PSMD12: variants seen among roughly 807,000 people sequenced by gnomAD.
PSMD12 encodes the protein proteasome 26S subunit, non-ATPase 12.
Under a neutral mutation model 62.9 loss-of-function variants are expected in PSMD12, and 8 were observed. The ratio of observed to expected loss-of-function variants is 0.13; its 90% CI spans 0.07 to 0.23. The LOEUF (loss-of-function observed/expected upper bound fraction) is 0.23, where lower values mean the gene tolerates loss of function less well. Among genes scored for constraint, PSMD12 ranks in the 10% least tolerant of loss-of-function variants. PSMD12 has a pLI of 1.00. For synonymous variants in PSMD12, 173 were observed against 187.4 expected (o/e 0.92, Z 0.63); for missense variants, 424 against 550.2 (o/e 0.77, Z 2.29).
intron 3 of PSMD12, among the ~76,000 whole-genome samples, chr17:67,355,786 A>G (rs1266204812): frequency 1.3e-5 from 2 of 152,160 alleles, no homozygotes. Context: ...GAACTTACAT[A>G]ATCTCTAAAC....
chr17:67,344,370 T>C (rs1379280127), intron 9 of PSMD12, among the ~76,000 whole-genome samples: 1 of 152,188 alleles, frequency 6.6e-6, no homozygotes, highest in Non-Finnish European at 1.5e-5. Context: ...CATTCCAATA[T>C]GCTTTGGGAA....
chr17:67,362,397 G>C (rs2042139406), intron 1 of PSMD12, among the ~76,000 whole-genome samples: 1 of 152,144 alleles, frequency 6.6e-6, no homozygotes, highest in Admixed American at 6.5e-5. Context: ...GGCTCTGGCT[G>C]GGCGCGGTGG....
chr17:67,341,094 T>A, intron 10 of PSMD12, 42 bp from the exon 11 acceptor site: 1 of 1,422,466 alleles, frequency 7.0e-7, no homozygotes, highest in Non-Finnish European at 9.5e-7. Flanking sequence ...CAGGATAAAT[T>A]ACAGACAATA....
chr17:67,365,198 A>G (rs2042168032), intron 1 of PSMD12, among the ~76,000 whole-genome samples: 2 of 151,968 alleles, frequency 1.3e-5, no homozygotes, highest in African/African-American at 4.8e-5. Flanking sequence ...AAAAAAAAAA[A>G]AAAAAGTTCA....
chr17:67,362,671 A>G (rs1230714411), intron 1 of PSMD12: 19 of 145,734 alleles, frequency 1.3e-4, no homozygotes. Flanking sequence ...CAAAAAAAAA[A>G]AAACAAAAAA....
At chr17:67,357,242 T>C (rs2042083555) in intron 3 of PSMD12, 61 bp downstream of exon 3, 1 of 1,540,412 alleles carries the variant, frequency 6.5e-7, no homozygotes, top group Non-Finnish European at 8.7e-7. Context: ...TAGAAGAGCT[T>C]GTGAAAAGTT....
intron 10 of PSMD12, among the ~76,000 whole-genome samples, chr17:67,341,636 C>T (rs574145863): frequency 6.6e-5 from 10 of 152,274 alleles, no homozygotes; most frequent in African/African-American, 1.4e-4. Context: ...TCCATGCCAA[C>T]GGCAAGTTGG....
intron 4 of PSMD12, among the ~76,000 whole-genome samples, chr17:67,349,295 AG>A (rs1447124151): frequency 5.3e-5 from 8 of 152,238 alleles, no homozygotes; most frequent in Admixed American, 5.2e-4. Flanking sequence ...CTGGGATTAC[AG>A]GCGTGAGCCA....
intron 3 of PSMD12, among the ~76,000 whole-genome samples, chr17:67,351,118 G>T (rs1029324339): frequency 6.6e-6 from 1 of 152,126 alleles, no homozygotes; most frequent in Admixed American, 6.5e-5. Flanking sequence ...TGGGTCAGGC[G>T]TGGTGGCTCA....
At chr17:67,345,479 T>TA in intron 8 of PSMD12, 1 of 340,656 alleles carries the variant, frequency 2.9e-6, no homozygotes, top group Non-Finnish European at 5.7e-6. Context: ...CTGTCTCTAC[T>TA]AAAAATACAA....
Position 67,353,453 on chromosome 17 carries a change from G to A in PSMD12, c.298-3117C>T, listed in dbSNP as rs1380734331. On this transcript the variant is annotated intron_variant, in intron 3 of 10. Coordinates refer to ENST00000356126, the MANE Select transcript of PSMD12 (RefSeq NM_002816.5). ...CTTCTGAGTAGCTGGGACTATGTGC[G>A]CCACCATGCCTGGCTAATTGTTTTT... is the stretch of plus-strand genomic sequence containing the variant. 2.0e-5 allele frequency among the ~76,000 whole-genome samples: 3 copies of A among 151,920 alleles called. No homozygotes were observed. The East Asian group carries it at 5.8e-4, about 29-fold the overall frequency.
At chr17:67,351,123 G>T (rs1438425446) in intron 3 of PSMD12, among the ~76,000 whole-genome samples, 1 of 152,048 alleles carries the variant, frequency 6.6e-6, no homozygotes, top group East Asian at 1.9e-4. Context: ...CAGGCGTGGT[G>T]GCTCACACCT....
chr17:67,352,977 T>C (rs1235904094), intron 3 of PSMD12, among the ~76,000 whole-genome samples: 1 of 152,136 alleles, frequency 6.6e-6, no homozygotes, highest in African/African-American at 2.4e-5. Flanking sequence ...AATGAAAAGG[T>C]GAAAGTTCTC....
rs551667831 is a variant in PSMD12, at chr17:67,357,372, C to A, written c.228G>T (p.Glu76Asp). ...ILVAVVKMCY[E>D]AKEWDLLNEN... ...CATTAAGTAAATCCCATTCTTTAGC[C>A]TCATAGCACATCTTCACTACTGCAA... Residue 76 changes from glutamate (E) to aspartate (D), a missense_variant, in exon 3 of 11, where the codon GAG (glutamate) becomes GAT (aspartate). Physicochemically the swap from Glu to Asp is conservative, Grantham distance 45. Transcript: ENST00000356126. 1 of 1,613,622 alleles carries A rather than the reference C, an allele frequency of 6.2e-7. No homozygotes were observed. The highest frequency in any genetic ancestry group is 8.5e-7 in the Non-Finnish European group (1 of 1,179,720).
At position 67,347,107 on chromosome 17, in the gene PSMD12, T is replaced by C; in HGVS notation, c.795+9A>G. On this transcript the variant is annotated intron_variant, in intron 7 of 10. Transcript: ENST00000356126. ...AGAAGCCATGTCAATTACACGAATA[T>C]ATTCTTACCTGCTGCCATTTTTCAC... The C allele has an allele frequency of 6.3e-7, 1 of 1,577,434 alleles. No homozygotes were observed. Among genetic ancestry groups the C allele is most frequent in the Non-Finnish European group, 8.6e-7 (1 of 1,162,392 alleles).
At chr17:67,352,926 A>G (rs928524959) in intron 3 of PSMD12, among the ~76,000 whole-genome samples, 1 of 152,218 alleles carries the variant, frequency 6.6e-6, no homozygotes, top group Non-Finnish European at 1.5e-5. Flanking sequence ...GATGCTGGCC[A>G]TTTGTATATG....
chr17:67,362,556 G>A (rs1018516015), intron 1 of PSMD12, among the ~76,000 whole-genome samples: 5 of 139,940 alleles, frequency 3.6e-5, no homozygotes, highest in African/African-American at 1.3e-4. Flanking sequence ...CAGCTACTGG[G>A]GACGCCGAGG....
rs1330150378 is a variant in PSMD12, at chr17:67,338,646, G to C, written c.*2197C>G. The C allele has an allele frequency of 6.6e-6, 1 of 152,244 alleles. No homozygotes were observed. The highest frequency in any genetic ancestry group is 1.5e-5 in the Non-Finnish European group (1 of 68,092). 9.4% of individuals were successfully genotyped at this position (152,244 alleles called of 1,614,324 possible). Reference sequence around the variant, plus strand: ...AGGCGGGTGGATCACCTGAGGTCAGGAGTTTGAGACCAGCCCGGCCAACAT... The same window carrying C: ...AGGCGGGTGGATCACCTGAGGTCAGCAGTTTGAGACCAGCCCGGCCAACAT... On this transcript the variant is annotated 3_prime_UTR_variant, in exon 11 of 11. Coordinates refer to ENST00000356126, the MANE Select transcript of PSMD12 (RefSeq NM_002816.5).
chr17:67,348,722 G>C (rs1232693708), intron 4 of PSMD12, 68 bp from the exon 5 acceptor site: 4 of 1,390,026 alleles, frequency 2.9e-6, no homozygotes, highest in Non-Finnish European at 4.0e-6. Flanking sequence ...AGTAGGCTGG[G>C]TATGTTGGCT....
Sources: gnomAD v4.1 joint callset for allele counts (sites outside exome capture counted in the v4.1 genomes callset) on GRCh38, gnomAD v4.1.1 for gene constraint, MANE v1.5 for transcripts, NCBI Gene and HGNC (gene_info 2026-07-23, HGNC 2026-07-21) for gene names.